Variants in PLXNA4 observed in about 807,000 individuals in gnomAD.
The protein encoded by PLXNA4 is plexin A4.
PLXNA4 carries 44 observed loss-of-function variants against 191.8 expected under a neutral mutation model. That is an observed-to-expected ratio of 0.23 (90% CI 0.18 to 0.29). The LOEUF (loss-of-function observed/expected upper bound fraction) is 0.29. Among genes scored for constraint, PLXNA4 ranks in the 10% least tolerant of loss-of-function variants. The pLI is 1.00. For synonymous variants in PLXNA4, 1,082 were observed against 1,009.5 expected, an observed-to-expected ratio of 1.07 and a Z score of -1.36; for missense variants, 1,800 against 2,488.8, an observed-to-expected ratio of 0.72 and a Z score of 5.89.
At chr7:132,594,582 C>T (rs1419981391) in intron 2 of PLXNA4, among the ~76,000 whole-genome samples, 3 of 152,320 alleles carry the variant, frequency 2.0e-5, no homozygotes, top group East Asian at 1.9e-4. Context: ...TTTGAAGTCC[C>T]GCAACTTCGT....
At chr7:132,404,804 T>G (rs974701845) in intron 3 of PLXNA4, among the ~76,000 whole-genome samples, 1 of 152,152 alleles carries the variant, frequency 6.6e-6, no homozygotes, top group Non-Finnish European at 1.5e-5. Context: ...ATTATTATTC[T>G]GATGCCTACT....
intron 17 of PLXNA4, 28 bp downstream of exon 17, chr7:132,182,069 C>T: frequency 6.2e-7 from 1 of 1,614,092 alleles, no homozygotes; most frequent in Non-Finnish European, 8.5e-7. Flanking sequence ...TGGGCAGCCT[C>T]CATGAACCCC....
intron 3 of PLXNA4, among the ~76,000 whole-genome samples, chr7:132,433,121 A>G (rs1271575049): frequency 6.6e-6 from 1 of 152,218 alleles, no homozygotes; most frequent in Non-Finnish European, 1.5e-5. Flanking sequence ...CTGCGTTGGA[A>G]AACTTAGGAG....
chr7:132,181,538 G>T lies in PLXNA4; in HGVS notation c.3335C>A (p.Thr1112Asn). 1 of 1,614,196 alleles carries T rather than the reference G, an allele frequency of 6.2e-7. No homozygotes were observed. Among genetic ancestry groups the T allele is most frequent in the Non-Finnish European group, 8.5e-7 (1 of 1,180,034 alleles). The change falls in exon 18 of 32, where the codon ACC becomes AAC. Residue 1112 changes from threonine (T) to asparagine (N), a missense_variant. Transcript: ENST00000321063. ...ALGPDHQSDLTERPEEFGFIL... is the reference protein window; with the variant it reads ...ALGPDHQSDLNERPEEFGFIL... ...GAAGCCAAACTCCTCGGGCCTCTCG[G>T]TCAGGTCTGACTGGTGGTCAGGACC...
intron 2 of PLXNA4, among the ~76,000 whole-genome samples, chr7:132,612,884 G>A (rs1803080740): frequency 6.6e-6 from 1 of 151,724 alleles, no homozygotes; most frequent in African/African-American, 2.4e-5. Context: ...GAGAACCACT[G>A]ATTTCTATCA....
chr7:132,193,280 C>T (rs1183987148), intron 14 of PLXNA4, among the ~76,000 whole-genome samples: 1 of 152,198 alleles, frequency 6.6e-6, no homozygotes, highest in East Asian at 1.9e-4. Flanking sequence ...ACACAGTCTC[C>T]TGACTTTTCG....
At chr7:132,426,309 C>G (rs1025771576) in intron 3 of PLXNA4, among the ~76,000 whole-genome samples, 3 of 152,154 alleles carry the variant, frequency 2.0e-5, no homozygotes, top group African/African-American at 7.2e-5. Flanking sequence ...GGGTCCTCTC[C>G]CTCAGGAACA....
In PLXNA4 at chr7:132,365,360, T is replaced by TGTGTGTGTGTGCGC; in HGVS notation, c.1372-67139_1372-67138insGCGCACACACACAC. 7.0e-3 allele frequency among the ~76,000 whole-genome samples: 897 copies of TGTGTGTGTGTGCGC among 128,778 alleles called. 12 individuals are homozygous for TGTGTGTGTGTGCGC. The highest frequency in any genetic ancestry group is 0.027 in the South Asian group (110 of 4,106). 84.5% of individuals were successfully genotyped at this position (128,778 alleles called of 152,430 possible). ...GTGTGTGTGTGTGTGTGTGTGTGTGTGCGTGCGCGCGCATGCATGGGGCAA... is the reference window on the plus strand; with the variant it reads ...GTGTGTGTGTGTGTGTGTGTGTGTGTGTGTGTGTGTGCGCGCGTGCGCGCGCATGCATGGGGCAA... On this transcript the variant is annotated intron_variant, in intron 3 of 31. Coordinates refer to ENST00000321063, the MANE Select transcript of PLXNA4 (RefSeq NM_020911.2).
intron 14 of PLXNA4, among the ~76,000 whole-genome samples, chr7:132,188,145 C>A (rs936795185): frequency 6.6e-6 from 1 of 152,106 alleles, no homozygotes; most frequent in Non-Finnish European, 1.5e-5. Flanking sequence ...GCCCAAAGCA[C>A]CCAGTGGCAG....
At chr7:132,501,441 G>A (rs147726633) in intron 2 of PLXNA4, among the ~76,000 whole-genome samples, 4 of 152,272 alleles carry the variant, frequency 2.6e-5, no homozygotes, top group East Asian at 1.9e-4. Flanking sequence ...AGCAGTCTGC[G>A]TTAAAATTCA....
chr7:132,142,380 A>G (rs1201921070), intron 29 of PLXNA4, among the ~76,000 whole-genome samples: 1 of 152,166 alleles, frequency 6.6e-6, no homozygotes, highest in South Asian at 2.1e-4. Flanking sequence ...TGATGGTAAT[A>G]GTTAGAATAT....
intron 3 of PLXNA4, among the ~76,000 whole-genome samples, chr7:132,303,320 C>T (rs1309341079): frequency 6.7e-6 from 1 of 148,294 alleles, no homozygotes; most frequent in African/African-American, 2.5e-5. Context: ...CCTGTAATCC[C>T]AACACTTTGG....
At chr7:132,214,523 T>C (rs768208471) in intron 9 of PLXNA4, among the ~76,000 whole-genome samples, 5 of 152,204 alleles carry the variant, frequency 3.3e-5, no homozygotes, top group Non-Finnish European at 1.5e-5. Flanking sequence ...CACCAAGGCA[T>C]GAAGGGACCA....
intron 5 of PLXNA4, among the ~76,000 whole-genome samples, chr7:132,230,945 G>A (rs527254963): frequency 2.2e-4 from 34 of 152,292 alleles, no homozygotes; most frequent in Admixed American, 8.5e-4. Context: ...CCAGGGGTAG[G>A]GAGGAAGAGG....
intron 3 of PLXNA4, among the ~76,000 whole-genome samples, chr7:132,323,059 A>C (rs1802234271): frequency 6.6e-6 from 1 of 152,158 alleles, no homozygotes; most frequent in Non-Finnish European, 1.5e-5. Flanking sequence ...TGGGTGACAT[A>C]ATGGAAATTC....
chr7:132,636,519 C>G (rs1803611371), intron 2 of PLXNA4, among the ~76,000 whole-genome samples: 1 of 152,204 alleles, frequency 6.6e-6, no homozygotes, highest in African/African-American at 2.4e-5. Flanking sequence ...CTCTCGGCTC[C>G]ATCCCATGGT....
upstream of PLXNA4, among the ~76,000 whole-genome samples, chr7:132,577,893 G>A (rs1031775227): frequency 1.3e-5 from 2 of 152,016 alleles, no homozygotes; most frequent in Non-Finnish European, 2.9e-5. Context: ...CAAGGAGGCC[G>A]AGGACACTGA....
At chr7:132,647,856 TAC>T (rs1803910978) in intron 1 of PLXNA4, among the ~76,000 whole-genome samples, 1 of 151,352 alleles carries the variant, frequency 6.6e-6, no homozygotes, top group African/African-American at 2.4e-5. Flanking sequence ...CACTATCATA[TAC>T]ACACATACAC....
In PLXNA4 at chr7:132,463,094, C is replaced by T. The variant is rs1336380823; in HGVS notation, c.1371+26198G>A. Among the ~76,000 whole-genome samples the T allele has an allele frequency of 3.3e-5, 5 of 152,212 alleles. No individual in the cohort carries two copies. The East Asian group carries it at 9.7e-4, about 29-fold the overall frequency. On this transcript the variant is annotated intron_variant, in intron 3 of 31. Coordinates refer to ENST00000321063, the MANE Select transcript of PLXNA4 (RefSeq NM_020911.2). ...CTAACTTCTGACCTCAAGTGATCCACCCCCCTTCAGCCTCTCAAAGTGCTA... is the reference window on the plus strand; with the variant it reads ...CTAACTTCTGACCTCAAGTGATCCATCCCCCTTCAGCCTCTCAAAGTGCTA...
Sources: allele counts gnomAD v4.1 joint callset (sites outside exome capture counted in the v4.1 genomes callset), GRCh38; gene constraint gnomAD v4.1.1; transcripts MANE v1.5; gene names NCBI Gene and HGNC (gene_info 2026-07-23, HGNC 2026-07-21).